RASAL2: variants seen among roughly 807,000 people sequenced by gnomAD.
RASAL2 encodes ras GTPase-activating protein nGAP.
Under a neutral mutation model 128.9 loss-of-function variants are expected in RASAL2, and 58 were observed. The ratio of observed to expected loss-of-function variants is 0.45; its 90% CI spans 0.36 to 0.56. The LOEUF is 0.56. RASAL2 is among the 20% of genes least tolerant of loss of function. The pLI is 0.00. For missense variants in RASAL2, 1,360 were observed against 1,601.6 expected (o/e 0.85, Z 2.57); for synonymous variants, 561 against 580.8 (o/e 0.97, Z 0.49).
chr1:178,404,412 C>T (rs570370329), intron 4 of RASAL2, among the ~76,000 whole-genome samples: 83 of 152,132 alleles, frequency 5.5e-4, no homozygotes, highest in Admixed American at 1.2e-3. Flanking sequence ...GACAGAGTCT[C>T]GCTCTGTCGC....
At chr1:178,190,695 C>T (rs745950843) in intron 1 of RASAL2, among the ~76,000 whole-genome samples, 1 of 150,764 alleles carries the variant, frequency 6.6e-6, no homozygotes, top group South Asian at 2.1e-4. Flanking sequence ...TTCTCATATG[C>T]GTGATCTTAT....
At chr1:178,373,694 C>T (rs1174352533) in intron 3 of RASAL2, among the ~76,000 whole-genome samples, 5 of 152,088 alleles carry the variant, frequency 3.3e-5, no homozygotes, top group African/African-American at 1.2e-4. Context: ...GTGGGGAAGG[C>T]ATTATCCTAC....
At chr1:178,276,619 C>A (rs747490595) in intron 1 of RASAL2, among the ~76,000 whole-genome samples, 1 of 151,790 alleles carries the variant, frequency 6.6e-6, no homozygotes, top group African/African-American at 2.4e-5. Flanking sequence ...TCAAGTGATC[C>A]TCCTGCCTTA....
chr1:178,332,565 A>C (rs967747365), intron 3 of RASAL2, among the ~76,000 whole-genome samples: 2 of 152,142 alleles, frequency 1.3e-5, no homozygotes, highest in Non-Finnish European at 2.9e-5. Flanking sequence ...GTCAGATGGA[A>C]ACCATTCTTT....
intron 3 of RASAL2, among the ~76,000 whole-genome samples, chr1:178,381,433 G>A (rs1222629925): frequency 1.3e-5 from 2 of 152,030 alleles, no homozygotes; most frequent in Non-Finnish European, 2.9e-5. Context: ...GCTAAAGGGG[G>A]GCAAATCAAC....
intron 1 of RASAL2, among the ~76,000 whole-genome samples, chr1:178,196,519 C>A (rs553127796): frequency 2.0e-5 from 3 of 152,100 alleles, no homozygotes; most frequent in Non-Finnish European, 4.4e-5. Context: ...TTCTAGAAAT[C>A]AAAACTTGAA....
chr1:178,231,749 T>C (rs1300623036), intron 1 of RASAL2, among the ~76,000 whole-genome samples: 2 of 152,232 alleles, frequency 1.3e-5, no homozygotes, highest in African/African-American at 2.4e-5. Flanking sequence ...TAGAACTTGA[T>C]ATTTATTGTT....
intron 1 of RASAL2, among the ~76,000 whole-genome samples, chr1:178,146,215 G>A (rs916873158): frequency 6.6e-6 from 1 of 152,138 alleles, no homozygotes; most frequent in Non-Finnish European, 1.5e-5. Flanking sequence ...GCTTTAAAAA[G>A]GTACTTCTGG....
At chr1:178,362,347 C>CT (rs1177513717) in intron 3 of RASAL2, among the ~76,000 whole-genome samples, 2 of 152,040 alleles carry the variant, frequency 1.3e-5, no homozygotes, top group Non-Finnish European at 2.9e-5. Flanking sequence ...CTGTGTATGA[C>CT]TTAAGGTCTA....
At chr1:178,202,351 C>G (rs1662902366) in intron 1 of RASAL2, among the ~76,000 whole-genome samples, 1 of 152,160 alleles carries the variant, frequency 6.6e-6, no homozygotes, top group Admixed American at 6.5e-5. Context: ...TGGGGAGTTC[C>G]CTATGATCAG....
intron 1 of RASAL2, among the ~76,000 whole-genome samples, chr1:178,148,511 T>A (rs986310872): frequency 1.3e-5 from 2 of 150,930 alleles, no homozygotes; most frequent in African/African-American, 4.9e-5. Context: ...TGCAGTGGTG[T>A]GATCTCGGCC....
In RASAL2 at chr1:178,333,245, T is replaced by C. The variant is rs549958753; in HGVS notation, c.457+33127T>C. 1.4e-3 allele frequency among the ~76,000 whole-genome samples: 207 copies of C among 151,994 alleles called. 1 individual carries two copies. The highest frequency in any genetic ancestry group is 2.2e-3 in the Non-Finnish European group (152 of 67,980). On this transcript the variant is annotated intron_variant, in intron 3 of 17. Coordinates refer to ENST00000367649, the MANE Select transcript of RASAL2 (RefSeq NM_170692.4). ...GGGTTTCACGTGTTAGCCAGGATGGTCTCGATCTCCTGACCTTGTGACCCG... is the reference window on the plus strand; with the variant it reads ...GGGTTTCACGTGTTAGCCAGGATGGCCTCGATCTCCTGACCTTGTGACCCG...
intron 3 of RASAL2, among the ~76,000 whole-genome samples, chr1:178,348,361 A>G (rs1383315870): frequency 6.6e-6 from 1 of 152,090 alleles, no homozygotes; most frequent in Non-Finnish European, 1.5e-5. Context: ...AACTAATCAT[A>G]GCTCATTGTA....
intron 5 of RASAL2, among the ~76,000 whole-genome samples, chr1:178,423,480 A>G (rs1675296878): frequency 6.6e-6 from 1 of 152,186 alleles, no homozygotes; most frequent in South Asian, 2.1e-4. Context: ...TGACAGATAT[A>G]TCCTAGGTAC....
At chr1:178,107,965 C>G (rs1659158370) in intron 1 of RASAL2, among the ~76,000 whole-genome samples, 1 of 152,054 alleles carries the variant, frequency 6.6e-6, no homozygotes, top group Non-Finnish European at 1.5e-5. Context: ...TTCTTATATA[C>G]CTAGGGGTGG....
intron 4 of RASAL2, among the ~76,000 whole-genome samples, chr1:178,414,596 G>A (rs1674633390): frequency 6.6e-6 from 1 of 152,094 alleles, no homozygotes; most frequent in South Asian, 2.1e-4. Context: ...CTTCTACTCA[G>A]TTTTGCTGTG....
chr1:178,232,404 A>G (rs1314584278), intron 1 of RASAL2, among the ~76,000 whole-genome samples: 1 of 152,180 alleles, frequency 6.6e-6, no homozygotes, highest in Non-Finnish European at 1.5e-5. Flanking sequence ...AACTTATCCC[A>G]ATTGGATTTA....
intron 1 of RASAL2, among the ~76,000 whole-genome samples, chr1:178,280,468 C>G (rs1666730340): frequency 6.6e-6 from 1 of 151,758 alleles, no homozygotes; most frequent in Non-Finnish European, 1.5e-5. Flanking sequence ...GTTTTAATTT[C>G]TAACATGGTA....
At chr1:178,403,548 CT>C (rs1359407572) in intron 4 of RASAL2, among the ~76,000 whole-genome samples, 1 of 151,978 alleles carries the variant, frequency 6.6e-6, no homozygotes, top group African/African-American at 2.4e-5. Flanking sequence ...AGACTAAGTC[CT>C]ATTAGAGTAA....
Sources: gnomAD v4.1 joint callset for allele counts (sites outside exome capture counted in the v4.1 genomes callset) on GRCh38, gnomAD v4.1.1 for gene constraint, MANE v1.5 for transcripts, NCBI Gene and HGNC (gene_info 2026-07-23, HGNC 2026-07-21) for gene names.